Variants in TRAPPC10 observed in about 807,000 individuals in gnomAD.
TRAPPC10 encodes TRAPP 130 kDa subunit.
TRAPPC10 carries 23 observed loss-of-function variants against 125.5 expected under a neutral mutation model. The ratio of observed to expected loss-of-function variants is 0.18; its 90% CI spans 0.13 to 0.26. The LOEUF is 0.26. Ranked by LOEUF, TRAPPC10 falls within the 10% of genes least tolerant of loss-of-function variation. The pLI, the probability that TRAPPC10 is intolerant of heterozygous loss-of-function variation, is 1.00. For missense variants in TRAPPC10, 1,123 were observed against 1,308.4 expected (o/e 0.86, Z 2.19); for synonymous variants, 509 against 518.0 (o/e 0.98, Z 0.24).
At chr21:44,046,673 T>C (rs566779151) in intron 3 of TRAPPC10, 22 of 263,068 alleles carry the variant, frequency 8.4e-5, no homozygotes, top group Non-Finnish European at 1.2e-4. Context: ...CACGCCCGGT[T>C]AATTTTGTAT....
intron 17 of TRAPPC10, chr21:44,089,188 C>T (rs1218666058): frequency 3.2e-6 from 1 of 313,840 alleles, no homozygotes; most frequent in Non-Finnish European, 6.3e-6. Flanking sequence ...GCGCTGGTGG[C>T]ACCTGTGCTA....
At chr21:44,089,609 C>T (rs1348490089) in intron 17 of TRAPPC10, 1 of 567,918 alleles carries the variant, frequency 1.8e-6, no homozygotes, top group African/African-American at 1.9e-5. Flanking sequence ...GCATGTCTTG[C>T]CAGTTCTGCG....
intron 3 of TRAPPC10, among the ~76,000 whole-genome samples, chr21:44,041,807 A>T (rs1212372831): frequency 2.0e-5 from 3 of 151,968 alleles, no homozygotes; most frequent in African/African-American, 7.3e-5. Context: ...ACTCACTGCA[A>T]CCTCTGCCTC....
chr21:44,055,646 T>G, intron 4 of TRAPPC10, 52 bp from the exon 5 acceptor site: 2 of 1,401,568 alleles, frequency 1.4e-6, no homozygotes, highest in Non-Finnish European at 2.0e-6. Context: ...TGCTGAGTCG[T>G]GGTGCTGTGC....
chr21:44,012,567 G>A lies in TRAPPC10; in HGVS notation c.67+7G>A. The A allele has an allele frequency of 6.5e-7, 1 of 1,533,334 alleles. No individual in the cohort carries two copies. The highest frequency in any genetic ancestry group is 8.8e-7 in the Non-Finnish European group (1 of 1,137,734). The allele number at this position is 1,533,334 out of a possible 1,614,324, so 95.0% of individuals were successfully genotyped here. ...AACAAGCCCATCGTCACCTGTGAGT[G>A]CCCGGAGGCGGGGAGGGCGCGGCGG... is the stretch of plus-strand genomic sequence containing the variant. On this transcript the variant is annotated splice_region_variant and intron_variant, in intron 1 of 22. Coordinates refer to ENST00000291574, the MANE Select transcript of TRAPPC10 (RefSeq NM_003274.5).
chr21:44,043,523 T>C (rs2034564393), intron 3 of TRAPPC10, among the ~76,000 whole-genome samples: 1 of 152,196 alleles, frequency 6.6e-6, no homozygotes, highest in Admixed American at 6.5e-5. Flanking sequence ...ATTACACTTT[T>C]ATAATATGTA....
intron 3 of TRAPPC10, chr21:44,046,936 G>A (rs192412300): frequency 1.2e-5 from 10 of 831,092 alleles, no homozygotes; most frequent in East Asian, 2.8e-5. Flanking sequence ...TACATTTCAG[G>A]TGTCGATGAA....
At position 44,055,736 on chromosome 21, in the gene TRAPPC10, G is replaced by A. The variant is rs1350772939; in HGVS notation, c.521G>A (p.Arg174Gln). 6 of 1,612,586 alleles carry A rather than the reference G, an allele frequency of 3.7e-6. No individual in the cohort carries two copies. The highest frequency in any genetic ancestry group is 1.7e-5 in the Admixed American group (1 of 59,988). Reference sequence around the variant, plus strand: ...TCCGACCCCTTGAAGGACTCTTCTCGAACTCAGGAATCCTGGAATGCCTTC... The same window carrying A: ...TCCGACCCCTTGAAGGACTCTTCTCAAACTCAGGAATCCTGGAATGCCTTC... ...VLSDPLKDSS[R>Q]TQESWNAFLT... The change falls in exon 5 of 23, where the codon CGA (arginine) becomes CAA (glutamine). Residue 174 changes from arginine to glutamine, a missense_variant. Physicochemically the swap from Arg to Gln is conservative, Grantham distance 43. Transcript: ENST00000291574.
chr21:44,052,453 T>C lies in TRAPPC10; in HGVS notation c.459T>C (p.Asp153=). The C allele has an allele frequency of 6.2e-7, 1 of 1,605,196 alleles. No individual in the cohort carries two copies. Among genetic ancestry groups the C allele is most frequent in the Non-Finnish European group, 8.5e-7 (1 of 1,177,576 alleles). Residue 153 remains aspartate (D), a synonymous_variant, in exon 4 of 23, where the codon GAT becomes GAC. Transcript: ENST00000291574. ...CTATTGTGGACAAAATAAGAAATGA[T>C]TTTTGTAATAAACAGAGTGACAGGT... ...RTSIVDKIRN[D]FCNKQSDRCV...
chr21:44,083,290 A>T lies in TRAPPC10; in HGVS notation c.2226A>T (p.Thr742=). 2 of 1,613,654 alleles carry T rather than the reference A, an allele frequency of 1.2e-6. No individual in the cohort carries two copies. The highest frequency in any genetic ancestry group is 1.7e-6 in the Non-Finnish European group (2 of 1,179,754). The stretch of plus-strand genomic sequence containing the variant: ...TGGAACCAGGGGCCAACCAGATAAC[A>T]TTCAGGACTCAGGTATGCGTTCAGG... The part of the protein sequence containing the change: ...VTLEPGANQI[T]FRTQAKEPGT... Residue 742 remains threonine, a synonymous_variant, in exon 14 of 23, where the codon ACA becomes ACT. Coordinates refer to ENST00000291574, the MANE Select transcript of TRAPPC10 (RefSeq NM_003274.5).
At chr21:44,075,259 C>T (rs141920653) in intron 9 of TRAPPC10, 106 bp downstream of exon 9, 1 of 777,238 alleles carries the variant, frequency 1.3e-6, no homozygotes, top group Admixed American at 2.5e-5. Flanking sequence ...TCATATTACT[C>T]ACCATTTGGA....
chr21:44,045,337 C>G (rs575355910), intron 3 of TRAPPC10, among the ~76,000 whole-genome samples: 6 of 151,468 alleles, frequency 4.0e-5, no homozygotes, highest in African/African-American at 1.5e-4. Flanking sequence ...AGGTCTGTTA[C>G]GGTAAGCTCT....
At chr21:44,026,538 C>T (rs2033090644) in intron 1 of TRAPPC10, among the ~76,000 whole-genome samples, 2 of 152,202 alleles carry the variant, frequency 1.3e-5, no homozygotes, top group South Asian at 2.1e-4. Flanking sequence ...GGCTTGAAGA[C>T]GGTGCCCTCT....
Position 44,087,748 on chromosome 21 carries a change from G to C in TRAPPC10, c.2589G>C (p.Thr863=), listed in dbSNP as rs968577499. 1.2e-6 allele frequency: 2 copies of C among 1,614,170 alleles called. No homozygotes were observed. Among genetic ancestry groups the C allele is most frequent in the East Asian group, 2.2e-5 (1 of 44,886 alleles). Residue 863 remains threonine, a synonymous_variant, in exon 17 of 23, where the codon ACG becomes ACC. Coordinates refer to ENST00000291574, the MANE Select transcript of TRAPPC10 (RefSeq NM_003274.5). This position sits in a 1 kb window ranked among gnomAD's most constrained non-coding sequence, Gnocchi z 4.6. The stretch of plus-strand genomic sequence containing the variant: ...GGATTCAGTCCTCCGACAAGGTCAC[G>C]AGCATCAGTCTGCCTGTTGCGCCTG... ...ALRIQSSDKV[T]SISLPVAPAY... is the part of the protein sequence containing the mutation.
At chr21:44,080,171 T>C in intron 13 of TRAPPC10, 44 bp downstream of exon 13, 2 of 1,524,840 alleles carry the variant, frequency 1.3e-6, no homozygotes, top group Non-Finnish European at 1.8e-6. Context: ...TTTTCAAATA[T>C]TACAGAAGTA....
At chr21:44,074,577 G>T (rs761686846) in intron 8 of TRAPPC10, 107 bp downstream of exon 8, 9 of 1,450,090 alleles carry the variant, frequency 6.2e-6, no homozygotes, top group Non-Finnish European at 7.5e-6. Context: ...TTTAGATCAC[G>T]ATGCATCCAC....
intron 7 of TRAPPC10, among the ~76,000 whole-genome samples, chr21:44,073,290 C>T (rs1036849762): frequency 1.3e-5 from 2 of 152,072 alleles, no homozygotes; most frequent in East Asian, 1.9e-4. Flanking sequence ...TCAGTTTCCC[C>T]GGCATTGGCA....
intron 1 of TRAPPC10, among the ~76,000 whole-genome samples, chr21:44,028,213 A>G (rs902212078): frequency 1.3e-5 from 2 of 152,244 alleles, no homozygotes; most frequent in African/African-American, 4.8e-5. Flanking sequence ...AGCTAAGCCT[A>G]TGTTAGTAAT....
rs118075963 is a variant in TRAPPC10, at chr21:44,058,062, G to T, written c.679-1041G>T. Among the ~76,000 whole-genome samples the T allele has an allele frequency of 1.3e-3, 196 of 152,292 alleles. 4 individuals carry two copies. In the East Asian group the frequency reaches 0.037, roughly 29 times the overall value. ...AGGCCCTCCTTGATGCTGGGACGCC[G>T]TCAGTGTACAGTTTTTTGTGAGCTT... On this transcript the variant is annotated intron_variant, in intron 5 of 22. Coordinates refer to ENST00000291574, the MANE Select transcript of TRAPPC10 (RefSeq NM_003274.5).
Sources: gnomAD v4.1 joint callset for allele counts (sites outside exome capture counted in the v4.1 genomes callset) on GRCh38, gnomAD v4.1.1 for gene constraint, Gnocchi (gnomAD v3.1) non-coding constraint, MANE v1.5 for transcripts, NCBI Gene and HGNC (gene_info 2026-07-23, HGNC 2026-07-21) for gene names.